The following MIR2052HG variants were observed in gnomAD, a reference collection of about 807,000 sequenced individuals.
MIR2052HG encodes MIR2052 host gene.
At chr8:74,648,572 G>T (rs1808718187) in intron 2 of MIR2052HG, among the ~76,000 whole-genome samples, 1 of 152,054 alleles carries the variant, frequency 6.6e-6, no homozygotes, top group Non-Finnish European at 1.5e-5. Flanking sequence ...GCAGCTCAAG[G>T]TCGCCATCAC....
At chr8:74,756,463 A>G (rs891994377) in intron 5 of MIR2052HG, 4 of 152,240 alleles carry the variant, frequency 2.6e-5, no homozygotes, top group African/African-American at 7.2e-5. Flanking sequence ...AACAAAGACC[A>G]TACAGATTCT....
intron 4 of MIR2052HG, among the ~76,000 whole-genome samples, chr8:74,719,682 C>G (rs753236078): frequency 6.6e-6 from 1 of 152,010 alleles, no homozygotes; most frequent in Non-Finnish European, 1.5e-5. Flanking sequence ...AAAAAATAGA[C>G]TTGTGTGTTA....
intron 1 of MIR2052HG, among the ~76,000 whole-genome samples, chr8:74,603,046 A>C (rs1027162509): frequency 5.9e-5 from 9 of 151,504 alleles, no homozygotes; most frequent in African/African-American, 2.2e-4. Context: ...CACCAAAAAA[A>C]AAAAAAAAAA....
At chr8:74,718,656 G>A (rs1305417077) in intron 4 of MIR2052HG, among the ~76,000 whole-genome samples, 1 of 152,190 alleles carries the variant, frequency 6.6e-6, no homozygotes, top group Non-Finnish European at 1.5e-5. Flanking sequence ...CTATAACAAA[G>A]TACCACAGAC....
chr8:74,689,110 G>A (rs142186675), intron 2 of MIR2052HG, among the ~76,000 whole-genome samples: 7 of 152,226 alleles, frequency 4.6e-5, no homozygotes, highest in African/African-American at 1.7e-4. Context: ...TCTGTGCTGT[G>A]CAGATACAAC....
chr8:74,654,371 C>T (rs1808782150), intron 2 of MIR2052HG, among the ~76,000 whole-genome samples: 4 of 151,998 alleles, frequency 2.6e-5, no homozygotes, highest in Admixed American at 2.6e-4. Flanking sequence ...TGGGTGTTTC[C>T]ATTGATCAGA....
At chr8:74,712,067 G>A (rs1809473822) in intron 4 of MIR2052HG, among the ~76,000 whole-genome samples, 1 of 152,170 alleles carries the variant, frequency 6.6e-6, no homozygotes, top group Non-Finnish European at 1.5e-5. Context: ...CAGATCACAT[G>A]AATTCAGAGC....
chr8:74,705,023 G>A (rs1472523014), intron 4 of MIR2052HG, among the ~76,000 whole-genome samples: 3 of 151,890 alleles, frequency 2.0e-5, no homozygotes, highest in Non-Finnish European at 4.4e-5. Flanking sequence ...TAGCAGCTCA[G>A]CTGAACTTCC....
chr8:74,718,116 T>G (rs1203708116), intron 4 of MIR2052HG, among the ~76,000 whole-genome samples: 1 of 152,112 alleles, frequency 6.6e-6, no homozygotes, highest in Non-Finnish European at 1.5e-5. Context: ...CTACAACAGG[T>G]TTTGAATTTA....
At chr8:74,621,863 C>T (rs1423525773) in intron 2 of MIR2052HG, among the ~76,000 whole-genome samples, 1 of 152,166 alleles carries the variant, frequency 6.6e-6, no homozygotes, top group Non-Finnish European at 1.5e-5. Context: ...AAGAATGAAA[C>T]TAGACCCTTA....
intron 2 of MIR2052HG, among the ~76,000 whole-genome samples, chr8:74,618,646 A>G (rs1487972202): frequency 6.6e-6 from 1 of 152,196 alleles, no homozygotes; most frequent in Non-Finnish European, 1.5e-5. Flanking sequence ...AATGTACCAA[A>G]ACAAAATAAA....
At chr8:74,602,817 G>GTTTCTTTCCTTCTTTCTTTC (rs1808023371) in intron 1 of MIR2052HG, among the ~76,000 whole-genome samples, 1 of 73,786 alleles carries the variant, frequency 1.4e-5, no homozygotes, top group African/African-American at 6.3e-5. Flanking sequence ...GCCCGGCCGT[G>GTTTCTTTCCTTCTTTCTTTC]TTTCTTTCTT....
intron 2 of MIR2052HG, among the ~76,000 whole-genome samples, chr8:74,613,307 A>G (rs895154147): frequency 3.9e-5 from 6 of 152,194 alleles, no homozygotes; most frequent in Admixed American, 6.5e-5. Context: ...GCATACAATG[A>G]TGATCAACTA....
At chr8:74,742,136 C>A (rs994859957) in intron 4 of MIR2052HG, among the ~76,000 whole-genome samples, 1 of 152,124 alleles carries the variant, frequency 6.6e-6, no homozygotes, top group Admixed American at 6.5e-5. Context: ...CACCTCCTGT[C>A]CCCCCAGTTG....
chr8:74,651,194 G>A (rs971368043), intron 2 of MIR2052HG, among the ~76,000 whole-genome samples: 1 of 151,310 alleles, frequency 6.6e-6, no homozygotes, highest in Non-Finnish European at 1.5e-5. Context: ...CATAGCCGTT[G>A]GGAACTGGTT....
rs867782445 is a variant in MIR2052HG at position 74,744,419 on chromosome 8, C to T, written n.372-8022C>T. ...ATACATGTGCCATGCTGGTGTGCTG[C>T]ACCCACTAACTCGTCATCTAGCATT... is the stretch of plus-strand genomic sequence containing the variant. On this transcript the variant is annotated intron_variant and non_coding_transcript_variant, in intron 4 of 6. Coordinates refer to ENST00000523442, the Ensembl canonical transcript of MIR2052HG. 8.5e-3 allele frequency among the ~76,000 whole-genome samples: 1,294 copies of T among 151,510 alleles called. 17 individuals are homozygous for T. The highest frequency in any genetic ancestry group is 0.029 in the African/African-American group (1,211 of 41,432).
At chr8:74,698,087 C>T (rs1809317985) in intron 2 of MIR2052HG, among the ~76,000 whole-genome samples, 1 of 152,188 alleles carries the variant, frequency 6.6e-6, no homozygotes, top group African/African-American at 2.4e-5. Flanking sequence ...GGAGGCATCA[C>T]ATTACCTGAC....
chr8:74,654,872 G>A (rs1190942162), intron 2 of MIR2052HG, among the ~76,000 whole-genome samples: 1 of 152,166 alleles, frequency 6.6e-6, no homozygotes, highest in African/African-American at 2.4e-5. Flanking sequence ...ATGTGGGAAA[G>A]TTTGGAACTT....
intron 2 of MIR2052HG, among the ~76,000 whole-genome samples, chr8:74,648,225 TG>T (rs1260130864): frequency 6.6e-6 from 1 of 152,092 alleles, no homozygotes; most frequent in Non-Finnish European, 1.5e-5. Flanking sequence ...AATGCATTCC[TG>T]GGGGGAGGTC....
Sources: gnomAD v4.1 joint callset for allele counts (sites outside exome capture counted in the v4.1 genomes callset) on GRCh38, gnomAD v4.1.1 for gene constraint, MANE v1.5 for transcripts, NCBI Gene and HGNC (gene_info 2026-07-23, HGNC 2026-07-21) for gene names.